EP400: variants seen among roughly 807,000 people sequenced by gnomAD.
EP400 encodes E1A-binding protein p400.
In EP400, 105 loss-of-function variants were observed where a neutral mutation model predicts 354.1. That is an observed-to-expected ratio of 0.30 (90% confidence interval 0.25 to 0.35). The LOEUF (loss-of-function observed/expected upper bound fraction) is 0.35, where lower values mean the gene tolerates loss of function less well. EP400 is among the 10% of genes least tolerant of loss of function. EP400 has a pLI of 1.00. For missense variants in EP400, 3,280 were observed against 4,121.0 expected, an observed-to-expected ratio of 0.80 and a Z score of 5.59; for synonymous variants, 1,646 against 1,716.9, an observed-to-expected ratio of 0.96 and a Z score of 1.02.
chr12:132,063,601 C>T (rs1369814359), intron 47 of EP400, among the ~76,000 whole-genome samples: 1 of 152,112 alleles, frequency 6.6e-6, no homozygotes, highest in East Asian at 1.9e-4. Flanking sequence ...AAAGACAAGA[C>T]AATATTTTGA....
In EP400 at chr12:132,041,549, T is replaced by C. The variant is rs1248817487; in HGVS notation, c.6208-1755T>C. On this transcript the variant is annotated intron_variant, in intron 32 of 52. Coordinates refer to ENST00000389561, the MANE Select transcript of EP400 (RefSeq NM_015409.5). ...ATTGCTGTCTAGAGTTCTGTCTGAA[T>C]ATACCGCCGTTTATCAGATCTGCAG... Among the ~76,000 whole-genome samples, 3 of 152,260 alleles carry C rather than the reference T, an allele frequency of 2.0e-5. No homozygotes were observed. The East Asian group carries it at 5.8e-4, about 29-fold the overall frequency.
At position 131,990,686 on chromosome 12, in the gene EP400, C is replaced by A. The variant is rs767491936; in HGVS notation, c.2601C>A (p.Ala867=). The change falls in exon 9 of 53, where the codon GCC becomes GCA. Residue 867 remains alanine (A), a synonymous_variant. Coordinates refer to ENST00000389561, the MANE Select transcript of EP400 (RefSeq NM_015409.5). The surrounding 1 kb of genome is among the most constrained non-coding windows in gnomAD (Gnocchi z 4.2). The part of the protein sequence containing the change: ...RVELEEKRKK[A]LNLQKVSRRG... ...AATTAGAAGAAAAAAGGAAGAAGGC[C>A]TTAAATTTACAGAAAGTTTCCAGGA... 6.2e-7 allele frequency: 1 copy of A among 1,612,564 alleles called. No individual in the cohort carries two copies.
At chr12:132,061,596 G>T (rs1200684755) in intron 45 of EP400, among the ~76,000 whole-genome samples, 2 of 152,190 alleles carry the variant, frequency 1.3e-5, no homozygotes, top group African/African-American at 4.8e-5. Flanking sequence ...TGCCACTTCT[G>T]CCTGCGGGCC....
intron 19 of EP400, among the ~76,000 whole-genome samples, chr12:132,014,590 T>C (rs1893866384): frequency 6.6e-6 from 1 of 152,136 alleles, no homozygotes; most frequent in Admixed American, 6.5e-5. Flanking sequence ...TTTGGAGGAT[T>C]TGAAATTTAT....
At position 131,960,872 on chromosome 12, in the gene EP400, G is replaced by A. The variant is rs1484637590; in HGVS notation, c.253G>A (p.Gly85Arg). Residue 85 changes from glycine (G) to arginine (R), a missense_variant, in exon 2 of 53, where the codon GGA becomes AGA. Physicochemically the swap from Gly to Arg is moderately radical, Grantham distance 125. This residue lies in a region of EP400 where 172 missense variants were observed against 242.9 expected (regional missense o/e 0.71). Transcript: ENST00000389561. ...GCAGAGCGTGGGCCCTGTCGTCGGG[G>A]GAAACCAGCAGATCACACTGGCCCC... ...TLQSVGPVVG[G>R]NQQITLAPLP... 1.2e-6 allele frequency: 2 copies of A among 1,614,004 alleles called. No homozygotes were observed. The highest frequency in any genetic ancestry group is 2.2e-5 in the East Asian group (1 of 44,872).
intron 1 of EP400, among the ~76,000 whole-genome samples, chr12:131,960,151 T>C (rs1891830525): frequency 6.6e-6 from 1 of 152,196 alleles, no homozygotes; most frequent in Non-Finnish European, 1.5e-5. Context: ...GAATGTTGGC[T>C]TCAGACCTTG....
In EP400 at chr12:131,992,126, T is replaced by C. The variant is rs777176546; in HGVS notation, c.2680-47T>C. 4.4e-6 allele frequency: 7 copies of C among 1,588,410 alleles called. No individual in the cohort carries two copies. The African/African-American group carries it at 9.4e-5, about 21-fold the overall frequency. ...ACACTGCTGTCTTGGTTTCCCATTC[T>C]GAGTGTTTGGATCTCATGCTTGTGG... On this transcript the variant is annotated intron_variant, in intron 10 of 52. Coordinates refer to ENST00000389561, the MANE Select transcript of EP400 (RefSeq NM_015409.5).
chr12:132,039,358 G>A (rs185589681), intron 32 of EP400, among the ~76,000 whole-genome samples: 2 of 152,256 alleles, frequency 1.3e-5, no homozygotes, highest in East Asian at 3.9e-4. Flanking sequence ...GGCTTCCATG[G>A]TGGTGGAAGG....
At chr12:132,023,268 G>T (rs943308299) in intron 23 of EP400, among the ~76,000 whole-genome samples, 2 of 143,640 alleles carry the variant, frequency 1.4e-5, no homozygotes, top group African/African-American at 5.3e-5. Flanking sequence ...GTGTAGCTCG[G>T]ATTACAGGCG....
At chr12:131,969,614 A>G (rs955878932) in intron 2 of EP400, among the ~76,000 whole-genome samples, 3 of 152,084 alleles carry the variant, frequency 2.0e-5, no homozygotes, top group Non-Finnish European at 2.9e-5. Flanking sequence ...AACTGTTGAA[A>G]GTGCACCTTG....
chr12:132,032,005 C>G lies in EP400; in HGVS notation c.5807C>G (p.Ser1936Cys). Residue 1936 changes from serine to cysteine, a missense_variant, in exon 30 of 53, where the codon TCC becomes TGC. Ser to Cys is a moderately radical substitution (Grantham distance 112). This residue lies in a region of EP400 where 459 missense variants were observed against 496.9 expected (regional missense o/e 0.92). Transcript: ENST00000389561. ...AGGCGGATTTTTTGTGCCATTCTCTCCACTCACAGCCGTACCACAGGTATA... is the reference window on the plus strand; with the variant it reads ...AGGCGGATTTTTTGTGCCATTCTCTGCACTCACAGCCGTACCACAGGTATA... Reference protein sequence around the residue: ...RDRRIFCAILSTHSRTTGINL... With the variant: ...RDRRIFCAILCTHSRTTGINL... The G allele has an allele frequency of 6.2e-7, 1 of 1,613,940 alleles. No homozygotes were observed. Among genetic ancestry groups the G allele is most frequent in the East Asian group, 2.2e-5 (1 of 44,878 alleles).
chr12:132,050,257 T>C lies in EP400; in HGVS notation c.7201-66T>C. The C allele has an allele frequency of 6.3e-7, 1 of 1,587,128 alleles. No homozygotes were observed. Among genetic ancestry groups the C allele is most frequent in the East Asian group, 2.2e-5 (1 of 44,664 alleles). Reference sequence around the variant, plus strand: ...CCTCAGATTCCCACCCAGTGAGCCCTGTGTCCCACGCAGCCGTCTGTCCAT... The same window carrying C: ...CCTCAGATTCCCACCCAGTGAGCCCCGTGTCCCACGCAGCCGTCTGTCCAT... On this transcript the variant is annotated intron_variant, in intron 39 of 52. Coordinates refer to ENST00000389561, the MANE Select transcript of EP400 (RefSeq NM_015409.5). This position sits in a 1 kb window ranked among gnomAD's most constrained non-coding sequence, Gnocchi z 4.8.
chr12:132,073,224 T>C (rs1489806745), intron 51 of EP400, among the ~76,000 whole-genome samples: 1 of 112,076 alleles, frequency 8.9e-6, no homozygotes, highest in Non-Finnish European at 1.8e-5. Context: ...TTGGGCCACC[T>C]TCTCTTTTTT....
At chr12:132,020,998 T>G in intron 22 of EP400, 81 bp from the exon 23 acceptor site, 1 of 1,442,228 alleles carries the variant, frequency 6.9e-7, no homozygotes, top group Non-Finnish European at 9.1e-7. Flanking sequence ...TTTATTTTAT[T>G]TCTTTAAAAT....
intron 12 of EP400, among the ~76,000 whole-genome samples, chr12:131,999,095 A>G (rs1237343784): frequency 1.3e-5 from 2 of 151,932 alleles, no homozygotes; most frequent in African/African-American, 4.8e-5. Flanking sequence ...GAGCACTTTC[A>G]GTAGAAAGGC....
At chr12:132,049,952 C>T (rs894125857) in intron 39 of EP400, among the ~76,000 whole-genome samples, 3 of 152,212 alleles carry the variant, frequency 2.0e-5, no homozygotes, top group East Asian at 1.9e-4. Flanking sequence ...TGGCAGTCCG[C>T]GCTGCCCCTT....
In EP400 at chr12:132,018,662, G is replaced by A. The variant is rs1212436232; in HGVS notation, c.4277+286G>A. Among the ~76,000 whole-genome samples, 3 of 152,182 alleles carry A rather than the reference G, an allele frequency of 2.0e-5. No individual in the cohort carries two copies. Among genetic ancestry groups the A allele is most frequent in the East Asian group, 1.9e-4 (1 of 5,196 alleles). ...AGGGCTGCATTTGACCTGGTGCCTC[G>A]TGTGGTGGAGGCTGGTGTGGCCGAA... On this transcript the variant is annotated intron_variant, in intron 21 of 52. Transcript: ENST00000389561. The surrounding 1 kb of genome is among the most constrained non-coding windows in gnomAD (Gnocchi z 4.0).
chr12:132,074,220 C>T (rs968527531), intron 51 of EP400, among the ~76,000 whole-genome samples: 23 of 152,126 alleles, frequency 1.5e-4, no homozygotes, highest in African/African-American at 4.6e-4. Context: ...CCACCGCGCC[C>T]GGTCGGCATT....
At chr12:132,028,747 T>C (rs1894389352) in intron 27 of EP400, among the ~76,000 whole-genome samples, 1 of 152,186 alleles carries the variant, frequency 6.6e-6, no homozygotes, top group Non-Finnish European at 1.5e-5. Flanking sequence ...CGCTCTCAAC[T>C]GAGCTTGCTT....
Sources: gnomAD v4.1 joint callset for allele counts (sites outside exome capture counted in the v4.1 genomes callset) on GRCh38, gnomAD v4.1.1 for gene constraint, gnomAD v4.1.1 regional missense constraint, Gnocchi (gnomAD v3.1) non-coding constraint, MANE v1.5 for transcripts, NCBI Gene and HGNC (gene_info 2026-07-23, HGNC 2026-07-21) for gene names.